The following NAV2 variants were observed in gnomAD, a reference collection of about 807,000 sequenced individuals.
NAV2 encodes the protein neuron navigator 2, also known as helicase, APC down-regulated 1.
Under a neutral mutation model 223.2 loss-of-function variants are expected in NAV2, and 54 were observed. The observed-to-expected ratio is 0.24, with a 90% CI of 0.19 to 0.30. The LOEUF is 0.30. NAV2 is among the 10% of genes least tolerant of loss of function. The pLI is 1.00. For missense variants in NAV2, 2,806 were observed against 3,147.5 expected, an observed-to-expected ratio of 0.89 and a Z score of 2.60; for synonymous variants, 1,279 against 1,239.3, an observed-to-expected ratio of 1.03 and a Z score of -0.67.
At position 19,426,199 on chromosome 11, in the gene NAV2, C is replaced by T. The variant is rs951743895; in HGVS notation, c.75+75172C>T. Among the ~76,000 whole-genome samples the T allele has an allele frequency of 2.6e-5, 4 of 152,112 alleles. No individual in the cohort carries two copies. The South Asian group carries it at 6.2e-4, about 24-fold the overall frequency. ...TGCCTGGCCTCTCCAGTGCTCCTAGCGTCTCAAGAAACCAGCTTGCCTCAC... is the reference window on the plus strand; with the variant it reads ...TGCCTGGCCTCTCCAGTGCTCCTAGTGTCTCAAGAAACCAGCTTGCCTCAC... On this transcript the variant is annotated intron_variant, in intron 1 of 37. Transcript: ENST00000360655.
At chr11:19,867,671 G>A (rs567267756) in intron 3 of NAV2, among the ~76,000 whole-genome samples, 1 of 152,334 alleles carries the variant, frequency 6.6e-6, no homozygotes, top group East Asian at 1.9e-4. Flanking sequence ...AAGGAGATGG[G>A]AACCTATGCT....
chr11:19,834,469 T>C (rs561979078), intron 2 of NAV2, among the ~76,000 whole-genome samples: 1 of 152,322 alleles, frequency 6.6e-6, no homozygotes, highest in South Asian at 2.1e-4. Flanking sequence ...TAACCACTTA[T>C]TGAGCACCAA....
intron 22 of NAV2, among the ~76,000 whole-genome samples, chr11:20,070,304 T>C (rs2059317980): frequency 6.6e-6 from 1 of 152,196 alleles, no homozygotes. Flanking sequence ...CAAACCCCTG[T>C]CAAACCACAG....
intron 24 of NAV2, among the ~76,000 whole-genome samples, 179 bp downstream of exon 24, chr11:20,078,283 A>T (rs1214871147): frequency 6.6e-6 from 1 of 152,228 alleles, no homozygotes; most frequent in East Asian, 1.9e-4. Context: ...GGCCTCTACA[A>T]AGATGGCTAT....
intron 1 of NAV2, among the ~76,000 whole-genome samples, chr11:19,398,154 C>T (rs1849538891): frequency 6.6e-6 from 1 of 152,098 alleles, no homozygotes; most frequent in Admixed American, 6.5e-5. Flanking sequence ...GCATAACTGG[C>T]ATCTGCTTCT....
chr11:19,874,316 C>T (rs2062713292), intron 4 of NAV2, among the ~76,000 whole-genome samples: 1 of 152,160 alleles, frequency 6.6e-6, no homozygotes, highest in East Asian at 1.9e-4. Flanking sequence ...ATGCAATTTG[C>T]TTTTCTGTTG....
chr11:19,351,127 T>C, intron 1 of NAV2: 1 of 1,219,428 alleles, frequency 8.2e-7, no homozygotes, highest in Non-Finnish European at 1.2e-6. Flanking sequence ...CTTGTCTGTC[T>C]TTCTCTCCGG....
At chr11:19,389,081 C>T (rs908254554) in intron 1 of NAV2, among the ~76,000 whole-genome samples, 7 of 152,208 alleles carry the variant, frequency 4.6e-5, no homozygotes, top group Admixed American at 2.0e-4. Context: ...TAATCTAGCT[C>T]ACAGCTGTCC....
chr11:20,025,672 G>A (rs1305769895), intron 11 of NAV2, among the ~76,000 whole-genome samples: 2 of 152,228 alleles, frequency 1.3e-5, no homozygotes, highest in Non-Finnish European at 2.9e-5. Context: ...TGAAACTCAA[G>A]CCTGATGGCT....
chr11:19,379,206 G>T (rs1158646021), intron 1 of NAV2, among the ~76,000 whole-genome samples: 1 of 152,140 alleles, frequency 6.6e-6, no homozygotes, highest in Admixed American at 6.6e-5. Flanking sequence ...GTGGCTCAGG[G>T]TCAGACAGAC....
intron 1 of NAV2, among the ~76,000 whole-genome samples, chr11:19,666,377 C>A (rs1258577994): frequency 6.6e-6 from 1 of 152,220 alleles, no homozygotes. Flanking sequence ...AATCGTTCCT[C>A]CTGTCATCAC....
chr11:19,737,371 G>T (rs1224399584), intron 1 of NAV2, among the ~76,000 whole-genome samples: 1 of 152,192 alleles, frequency 6.6e-6, no homozygotes, highest in Admixed American at 6.5e-5. Context: ...GCACAAGAAG[G>T]ACAGAACCCA....
intron 1 of NAV2, among the ~76,000 whole-genome samples, chr11:19,567,682 C>T (rs962557368): frequency 6.6e-6 from 1 of 152,110 alleles, no homozygotes; most frequent in South Asian, 2.1e-4. Flanking sequence ...ACCTCCAGCC[C>T]TGGAGCTTAA....
chr11:19,561,086 A>C (rs937319319), intron 1 of NAV2, among the ~76,000 whole-genome samples: 2 of 152,234 alleles, frequency 1.3e-5, no homozygotes, highest in African/African-American at 4.8e-5. Flanking sequence ...CAAATTCTGG[A>C]TGGATGACCT....
At chr11:19,446,504 G>A (rs1851587821) in intron 1 of NAV2, among the ~76,000 whole-genome samples, 1 of 152,164 alleles carries the variant, frequency 6.6e-6, no homozygotes, top group African/African-American at 2.4e-5. Flanking sequence ...GCCTCAGTGG[G>A]CAGCTCTCCA....
chr11:19,400,989 C>T (rs1036939801), intron 1 of NAV2, among the ~76,000 whole-genome samples: 3 of 152,052 alleles, frequency 2.0e-5, no homozygotes, highest in Non-Finnish European at 2.9e-5. Context: ...AGCTGAAGGT[C>T]GTCAAAACAT....
chr11:19,697,870 C>T (rs2049395171), intron 1 of NAV2, among the ~76,000 whole-genome samples: 1 of 152,166 alleles, frequency 6.6e-6, no homozygotes, highest in Admixed American at 6.5e-5. Flanking sequence ...GCCTCCTGCT[C>T]CTTTTTCCCA....
At chr11:19,349,341 T>TC, upstream of NAV2, among the ~76,000 whole-genome samples, 1 of 152,080 alleles carries the variant, frequency 6.6e-6, no homozygotes, top group South Asian at 2.1e-4. Context: ...CTCCTCCTCC[T>TC]CCCCCCTCAC....
chr11:19,525,167 G>C (rs2043805063), intron 1 of NAV2, among the ~76,000 whole-genome samples: 1 of 152,194 alleles, frequency 6.6e-6, no homozygotes, highest in Non-Finnish European at 1.5e-5. Flanking sequence ...AGCTAGAAAG[G>C]ATCTTACTGT....
Sources: gnomAD v4.1 joint callset for allele counts (sites outside exome capture counted in the v4.1 genomes callset) on GRCh38, gnomAD v4.1.1 for gene constraint, MANE v1.5 for transcripts, NCBI Gene and HGNC (gene_info 2026-07-23, HGNC 2026-07-21) for gene names.